The following PRUNE2 variants were observed in gnomAD, a reference collection of about 807,000 sequenced individuals.
The protein encoded by PRUNE2 is protein prune homolog 2.
In PRUNE2, 164 loss-of-function variants were observed where a neutral mutation model predicts 252.0. The ratio of observed to expected loss-of-function variants is 0.65; its 90% CI spans 0.57 to 0.74. PRUNE2 has a LOEUF of 0.74. Ranked by LOEUF, PRUNE2 falls within the 30% of genes least tolerant of loss-of-function variation. The pLI is 0.00. For missense variants in PRUNE2, 3,495 were observed against 3,711.0 expected (o/e 0.94, Z 1.51); for synonymous variants, 1,292 against 1,350.2 (o/e 0.96, Z 0.94).
At chr9:76,638,061 T>C (rs1425212267) in intron 13 of PRUNE2, 125 bp downstream of exon 13, 1 of 661,572 alleles carries the variant, frequency 1.5e-6, no homozygotes, top group African/African-American at 1.8e-5. Context: ...ACAGAAACCT[T>C]ACTGACTTTT....
intron 6 of PRUNE2, among the ~76,000 whole-genome samples, chr9:76,752,452 G>A (rs904398865): frequency 2.0e-5 from 3 of 152,196 alleles, no homozygotes; most frequent in East Asian, 3.9e-4. Context: ...TTACAAAGCC[G>A]GGGATTGAAC....
intron 6 of PRUNE2, among the ~76,000 whole-genome samples, chr9:76,773,438 CTTTTT>C (rs35078779): frequency 1.9e-5 from 2 of 107,582 alleles, no homozygotes; most frequent in African/African-American, 7.2e-5. Flanking sequence ...ACTAGTACAT[CTTTTT>C]TTTTTTTTTT....
chr9:76,687,994 CT>C (rs988843628), intron 9 of PRUNE2, among the ~76,000 whole-genome samples: 35 of 152,330 alleles, frequency 2.3e-4, no homozygotes, highest in Admixed American at 8.5e-4. Flanking sequence ...CTCTCCTGTT[CT>C]TTTTCTTCCC....
At chr9:76,864,864 G>C (rs1459721314) in intron 1 of PRUNE2, among the ~76,000 whole-genome samples, 1 of 152,196 alleles carries the variant, frequency 6.6e-6, no homozygotes, top group African/African-American at 2.4e-5. Flanking sequence ...GAAATATTAT[G>C]ACTGATTGTC....
At chr9:76,631,898 C>T (rs1040452740) in intron 15 of PRUNE2, among the ~76,000 whole-genome samples, 2 of 152,146 alleles carry the variant, frequency 1.3e-5, no homozygotes, top group African/African-American at 2.4e-5. Context: ...TGAGAACATG[C>T]GGTATTTGGT....
intron 6 of PRUNE2, among the ~76,000 whole-genome samples, chr9:76,714,078 T>C (rs2046950255): frequency 6.6e-6 from 1 of 152,214 alleles, no homozygotes; most frequent in South Asian, 2.1e-4. Context: ...ATGTCTGCTA[T>C]TGTTACAATT....
chr9:76,808,731 C>G (rs965055777), intron 6 of PRUNE2: 3 of 152,454 alleles, frequency 2.0e-5, no homozygotes, highest in African/African-American at 7.2e-5. Context: ...CACTAATTAA[C>G]TGGATTACAC....
chr9:76,734,688 C>T (rs2048919552), intron 6 of PRUNE2, among the ~76,000 whole-genome samples: 2 of 152,196 alleles, frequency 1.3e-5, no homozygotes, highest in Non-Finnish European at 2.9e-5. Flanking sequence ...GAGGAATCCT[C>T]CTAACTTCAT....
chr9:76,640,157 C>T (rs1406324032), intron 12 of PRUNE2, among the ~76,000 whole-genome samples: 3 of 152,174 alleles, frequency 2.0e-5, no homozygotes, highest in Non-Finnish European at 2.9e-5. Context: ...ACAGGACATA[C>T]GCTTAAGCCT....
chr9:76,711,420 T>A, intron 7 of PRUNE2, 62 bp from the exon 8 acceptor site: 2 of 1,030,076 alleles, frequency 1.9e-6, no homozygotes, highest in Non-Finnish European at 2.8e-6. Flanking sequence ...GCAATTGCAC[T>A]TTGCAATTTA....
chr9:76,748,407 G>A (rs954745063), intron 6 of PRUNE2, among the ~76,000 whole-genome samples: 6 of 152,174 alleles, frequency 3.9e-5, no homozygotes, highest in Admixed American at 2.6e-4. Flanking sequence ...ATGGGATGCA[G>A]TTATGACCAG....
At position 76,715,233 on chromosome 9, in the gene PRUNE2, T is replaced by C. The variant is rs2047048561; in HGVS notation, c.757-1512A>G. Among the ~76,000 whole-genome samples, 6 of 152,188 alleles carry C rather than the reference T, an allele frequency of 3.9e-5. No individual in the cohort carries two copies. The South Asian group carries it at 1.2e-3, about 32-fold the overall frequency. ...CTATGTGGTCATTCTTTGAAACTCG[T>C]GGATTGGGTATTTGTGGCTTAGACT... is the stretch of plus-strand genomic sequence containing the variant. On this transcript the variant is annotated intron_variant, in intron 6 of 18. Coordinates refer to ENST00000376718, the MANE Select transcript of PRUNE2 (RefSeq NM_015225.3).
At chr9:76,834,399 T>G (rs2058841899) in intron 4 of PRUNE2, among the ~76,000 whole-genome samples, 1 of 152,234 alleles carries the variant, frequency 6.6e-6, no homozygotes, top group East Asian at 1.9e-4. Context: ...TTTGCTGCAT[T>G]AAGGTCAATA....
At chr9:76,722,296 C>T (rs2047717219) in intron 6 of PRUNE2, among the ~76,000 whole-genome samples, 1 of 151,082 alleles carries the variant, frequency 6.6e-6, no homozygotes, top group African/African-American at 2.4e-5. Flanking sequence ...TCTTGAACTC[C>T]TGACCTCAAG....
intron 1 of PRUNE2, among the ~76,000 whole-genome samples, chr9:76,863,525 T>C (rs373658679): frequency 6.6e-6 from 1 of 152,246 alleles, no homozygotes; most frequent in South Asian, 2.1e-4. Flanking sequence ...GTAACATCAA[T>C]AAAAAACTAT....
At chr9:76,803,215 G>A (rs1425260507) in intron 6 of PRUNE2, among the ~76,000 whole-genome samples, 1 of 152,102 alleles carries the variant, frequency 6.6e-6, no homozygotes, top group Non-Finnish European at 1.5e-5. Flanking sequence ...CACCACTTTG[G>A]GAAGGGTGGT....
In PRUNE2 at chr9:76,705,779, T is replaced by C; in HGVS notation, c.6495A>G (p.Ala2165=). ...PSNAELDSEN[A]TVLPPIGYQA... ...GATAGCCAATTGGAGGCAGCACAGT[T>C]GCGTTTTCAGAATCGAGTTCTGCAT... is the stretch of plus-strand genomic sequence containing the variant. Residue 2165 remains alanine, a synonymous_variant, in exon 8 of 19, where the codon GCA becomes GCG. Coordinates refer to ENST00000376718, the MANE Select transcript of PRUNE2 (RefSeq NM_015225.3). 6.2e-7 allele frequency: 1 copy of C among 1,613,918 alleles called. No homozygotes were observed. The highest frequency in any genetic ancestry group is 1.7e-5 in the Admixed American group (1 of 60,016).
intron 6 of PRUNE2, among the ~76,000 whole-genome samples, chr9:76,821,560 C>T (rs193165126): frequency 2.7e-3 from 411 of 150,830 alleles, no homozygotes; most frequent in African/African-American, 9.6e-3. Flanking sequence ...TTTTTTTTTC[C>T]ACTTCTCAGT....
intron 1 of PRUNE2, among the ~76,000 whole-genome samples, chr9:76,895,686 TTA>T (rs1343492379): frequency 6.6e-6 from 1 of 152,198 alleles, no homozygotes; most frequent in African/African-American, 2.4e-5. Context: ...GTCAGTGATG[TTA>T]TGTCTGCCAA....
Sources: gnomAD v4.1 joint callset for allele counts (sites outside exome capture counted in the v4.1 genomes callset) on GRCh38, gnomAD v4.1.1 for gene constraint, MANE v1.5 for transcripts, NCBI Gene and HGNC (gene_info 2026-07-23, HGNC 2026-07-21) for gene names.